Variants in EYS observed in about 807,000 individuals in gnomAD.
EYS encodes the protein EGF-like photoreceptor maintenance factor.
A neutral mutation model predicts 282.1 loss-of-function variants in EYS; 250 were observed. The ratio of observed to expected loss-of-function variants is 0.89; its 90% CI spans 0.80 to 0.98. The LOEUF (loss-of-function observed/expected upper bound fraction) is 0.98, where lower values mean the gene tolerates loss of function less well. Among genes scored for constraint, EYS ranks in the 50% least tolerant of loss-of-function variants. EYS has a pLI of 0.00. For missense variants in EYS, 4,016 were observed against 3,709.0 expected (o/e 1.08, Z -2.15); for synonymous variants, 1,355 against 1,282.9 (o/e 1.06, Z -1.20).
At chr6:65,685,377 C>T (rs1434799547) in intron 1 of EYS, among the ~76,000 whole-genome samples, 3 of 152,010 alleles carry the variant, frequency 2.0e-5, no homozygotes, top group African/African-American at 4.8e-5. Context: ...ACGACTACGA[C>T]ATCAAATTGA....
intron 35 of EYS, among the ~76,000 whole-genome samples, chr6:63,884,880 C>T (rs868161773): frequency 1.9e-4 from 29 of 151,524 alleles, no homozygotes; most frequent in African/African-American, 6.3e-4. Flanking sequence ...AATTGTGTAT[C>T]AATTGGAAAC....
intron 30 of EYS, among the ~76,000 whole-genome samples, chr6:64,251,125 G>T (rs1184377162): frequency 6.6e-6 from 1 of 152,122 alleles, no homozygotes; most frequent in Non-Finnish European, 1.5e-5. Flanking sequence ...GTGAAAAGCT[G>T]GGTAATTGGC....
At chr6:65,699,153 C>T (rs1023721749) in intron 1 of EYS, among the ~76,000 whole-genome samples, 2 of 152,062 alleles carry the variant, frequency 1.3e-5, no homozygotes, top group Admixed American at 6.6e-5. Context: ...TTATTATCTT[C>T]TACTTGCATA....
intron 35 of EYS, among the ~76,000 whole-genome samples, chr6:63,880,825 G>C (rs972726481): frequency 1.3e-5 from 2 of 152,136 alleles, no homozygotes; most frequent in African/African-American, 4.8e-5. Flanking sequence ...CTTTGCACTG[G>C]AAAAGACTAA....
chr6:65,414,248 G>A (rs191724076), intron 5 of EYS, among the ~76,000 whole-genome samples: 76 of 152,250 alleles, frequency 5.0e-4, no homozygotes, highest in African/African-American at 1.6e-3. Context: ...GAGCTCAGAC[G>A]AGGATGTAAT....
At chr6:64,939,842 A>G (rs1340585781) in intron 15 of EYS, among the ~76,000 whole-genome samples, 2 of 152,014 alleles carry the variant, frequency 1.3e-5, no homozygotes, top group Non-Finnish European at 1.5e-5. Flanking sequence ...CAACAATTTC[A>G]TAGAACATCA....
At chr6:64,358,976 T>C (rs942116115) in intron 29 of EYS, among the ~76,000 whole-genome samples, 1 of 151,686 alleles carries the variant, frequency 6.6e-6, no homozygotes, top group Admixed American at 6.6e-5. Flanking sequence ...TTTCCTATAT[T>C]ACTGGGCATA....
intron 29 of EYS, among the ~76,000 whole-genome samples, chr6:64,364,960 GTTC>G (rs1772140268): frequency 6.6e-6 from 1 of 151,856 alleles, no homozygotes; most frequent in East Asian, 1.9e-4. Flanking sequence ...AATTTTTATT[GTTC>G]TTATAAGTTT....
intron 15 of EYS, among the ~76,000 whole-genome samples, chr6:64,933,793 T>C (rs2150088635): frequency 6.6e-6 from 1 of 152,188 alleles, no homozygotes; most frequent in South Asian, 2.1e-4. Flanking sequence ...CATGAAATAC[T>C]CTGCAGCTAT....
chr6:63,791,192 G>C (rs1770500771), intron 37 of EYS, among the ~76,000 whole-genome samples: 1 of 152,206 alleles, frequency 6.6e-6, no homozygotes, highest in South Asian at 2.1e-4. Context: ...GATGAAAAAA[G>C]AGGATACAGT....
At chr6:64,931,990 C>G (rs1386940661) in intron 15 of EYS, among the ~76,000 whole-genome samples, 1 of 152,082 alleles carries the variant, frequency 6.6e-6, no homozygotes. Context: ...AACATACACT[C>G]TTCCATAAAA....
intron 35 of EYS, among the ~76,000 whole-genome samples, chr6:63,904,715 T>G (rs1264613942): frequency 1.3e-5 from 2 of 152,222 alleles, no homozygotes; most frequent in Non-Finnish European, 1.5e-5. Context: ...GGCCCTTCAC[T>G]TGCATAAGTT....
Position 64,966,774 on chromosome 6 carries a change from C to G in EYS, c.2260-20860G>C, listed in dbSNP as rs533913954. Among the ~76,000 whole-genome samples, 8 of 152,182 alleles carry G rather than the reference C, an allele frequency of 5.3e-5. No homozygotes were observed. In the East Asian group the frequency reaches 1.5e-3, roughly 29 times the overall value. ...TACTCCTGATTACATTTAGGACACACACAGATAATCCAGGATAATGTCCTC... is the reference window on the plus strand; with the variant it reads ...TACTCCTGATTACATTTAGGACACAGACAGATAATCCAGGATAATGTCCTC... On this transcript the variant is annotated intron_variant, in intron 14 of 42. Coordinates refer to ENST00000503581, the MANE Select transcript of EYS (RefSeq NM_001142800.2).
chr6:63,978,070 A>G lies in EYS; in HGVS notation c.7055+6313T>C, dbSNP rs553065767. Reference sequence around the variant, plus strand: ...GCAGGATATTCCAGTAAGGGAAAATAAAGTGGAGACCAACAGAGTATGTAC... The same window carrying G: ...GCAGGATATTCCAGTAAGGGAAAATGAAGTGGAGACCAACAGAGTATGTAC... On this transcript the variant is annotated intron_variant, in intron 35 of 42. Coordinates refer to ENST00000503581, the MANE Select transcript of EYS (RefSeq NM_001142800.2). 4.6e-5 allele frequency among the ~76,000 whole-genome samples: 7 copies of G among 152,132 alleles called. No homozygotes were observed. The South Asian group carries it at 8.3e-4, about 18-fold the overall frequency.
In EYS at chr6:65,657,117, G is replaced by A. The variant is rs1187831736; in HGVS notation, c.-447-17225C>T. On this transcript the variant is annotated intron_variant, in intron 1 of 42. Coordinates refer to ENST00000503581, the MANE Select transcript of EYS (RefSeq NM_001142800.2). ...GTTAAGCCCACTCTTGAGACATACT[G>A]CTCAGGAAAAGATTTGTTTCAAAAT... 2.0e-5 allele frequency among the ~76,000 whole-genome samples: 3 copies of A among 151,784 alleles called. No homozygotes were observed. In the East Asian group the frequency reaches 5.8e-4, roughly 29 times the overall value.
At chr6:64,953,038 C>T (rs912882263) in intron 14 of EYS, among the ~76,000 whole-genome samples, 4 of 151,696 alleles carry the variant, frequency 2.6e-5, no homozygotes, top group Admixed American at 1.3e-4. Flanking sequence ...ATTTTCCTAA[C>T]AAGAAAAAGA....
At chr6:64,141,979 A>G (rs116152756) in intron 31 of EYS, among the ~76,000 whole-genome samples, 3,641 of 152,190 alleles carry the variant, frequency 0.024, 124 homozygotes, top group African/African-American at 0.082. Context: ...TACCAACCAA[A>G]GTTTGAATCA....
intron 31 of EYS, among the ~76,000 whole-genome samples, chr6:64,167,795 C>A (rs1286737813): frequency 6.6e-6 from 1 of 151,882 alleles, no homozygotes; most frequent in African/African-American, 2.4e-5. Flanking sequence ...TTTATTAAAC[C>A]ACACAATATA....
At chr6:64,983,926 A>G (rs748330723) in intron 14 of EYS, among the ~76,000 whole-genome samples, 6 of 151,340 alleles carry the variant, frequency 4.0e-5, no homozygotes, top group Non-Finnish European at 8.9e-5. Context: ...AACACCTGGC[A>G]TAGAGCATCT....
Sources: gnomAD v4.1 joint callset for allele counts (sites outside exome capture counted in the v4.1 genomes callset) on GRCh38, gnomAD v4.1.1 for gene constraint, MANE v1.5 for transcripts, NCBI Gene and HGNC (gene_info 2026-07-23, HGNC 2026-07-21) for gene names.